The following NAALADL2 variants were observed in gnomAD, a reference collection of about 807,000 sequenced individuals.
NAALADL2 encodes the protein inactive N-acetylated-alpha-linked acidic dipeptidase-like protein 2.
NAALADL2 carries 76 observed loss-of-function variants against 87.2 expected under a neutral mutation model. The observed-to-expected ratio is 0.87, with a 90% CI of 0.72 to 1.05. The LOEUF (loss-of-function observed/expected upper bound fraction) is 1.05, where lower values mean the gene tolerates loss of function less well. Among genes scored for constraint, NAALADL2 ranks in the 50% least tolerant of loss-of-function variants. The pLI, the probability that NAALADL2 is intolerant of heterozygous loss-of-function variation, is 0.00. For missense variants in NAALADL2, 1,089 were observed against 945.8 expected, an observed-to-expected ratio of 1.15 and a Z score of -1.99; for synonymous variants, 354 against 331.0, an observed-to-expected ratio of 1.07 and a Z score of -0.75.
intron 4 of NAALADL2, among the ~76,000 whole-genome samples, chr3:175,263,104 T>C (rs1184306053): frequency 6.6e-6 from 1 of 151,816 alleles, no homozygotes; most frequent in African/African-American, 2.4e-5. Context: ...GAATACAAAA[T>C]TGGAAAGTAA....
chr3:175,202,215 G>A (rs1247347096), intron 2 of NAALADL2, among the ~76,000 whole-genome samples: 1 of 152,044 alleles, frequency 6.6e-6, no homozygotes, highest in Non-Finnish European at 1.5e-5. Flanking sequence ...AAGGAAGTGA[G>A]GTTTGCAGCT....
chr3:175,209,144 G>A (rs1297559258), intron 2 of NAALADL2, among the ~76,000 whole-genome samples: 2 of 152,080 alleles, frequency 1.3e-5, no homozygotes, highest in Non-Finnish European at 2.9e-5. Flanking sequence ...GGAAAAGAAC[G>A]TAAAATAAAA....
chr3:175,237,964 C>A (rs1370017816), intron 3 of NAALADL2, among the ~76,000 whole-genome samples: 1 of 152,082 alleles, frequency 6.6e-6, no homozygotes, highest in Non-Finnish European at 1.5e-5. Context: ...TTAAGAGAAC[C>A]AACCAGTGGT....
At position 174,755,019 on chromosome 3, in the gene NAALADL2, G is replaced by A. The variant is rs148255449; in HGVS notation, c.-9+17273G>A. Reference sequence around the variant, plus strand: ...GGCTTTGTGTCCCCACCCAAATCTCGTCTTGAATTATAATCCCCATAATCC... The same window carrying A: ...GGCTTTGTGTCCCCACCCAAATCTCATCTTGAATTATAATCCCCATAATCC... On this transcript the variant is annotated intron_variant, in intron 3 of 3. Coordinates refer to the NAALADL2 transcript ENST00000434257. 3.1e-3 allele frequency among the ~76,000 whole-genome samples: 471 copies of A among 152,228 alleles called. 2 individuals are homozygous for A. The highest frequency in any genetic ancestry group is 0.011 in the African/African-American group (442 of 41,546).
At chr3:175,676,468 GT>G (rs1406290088) in intron 11 of NAALADL2, 1 of 152,148 alleles carries the variant, frequency 6.6e-6, no homozygotes, top group Admixed American at 6.6e-5. Flanking sequence ...ATGGCAATGG[GT>G]TCAGGAAAGT....
At chr3:174,476,577 G>A (rs1717230926) in intron 1 of NAALADL2, among the ~76,000 whole-genome samples, 1 of 151,988 alleles carries the variant, frequency 6.6e-6, no homozygotes, top group African/African-American at 2.4e-5. Context: ...CTAAGTATAT[G>A]TAAATACTCA....
chr3:175,204,694 C>T (rs899382353), intron 2 of NAALADL2, among the ~76,000 whole-genome samples: 1 of 151,988 alleles, frequency 6.6e-6, no homozygotes, highest in Non-Finnish European at 1.5e-5. Flanking sequence ...CCTTGAAAAC[C>T]CCAAGAACTT....
intron 11 of NAALADL2, among the ~76,000 whole-genome samples, chr3:175,667,237 A>AAGAG (rs1553945351): frequency 3.0e-5 from 3 of 100,168 alleles, no homozygotes; most frequent in African/African-American, 1.9e-4. Context: ...GAAAGAAAGA[A>AAGAG]AGAAAAAGAA....
chr3:175,745,786 G>A lies in NAALADL2; in HGVS notation c.1990+8387G>A, dbSNP rs112458213. 4.5e-3 allele frequency among the ~76,000 whole-genome samples: 691 copies of A among 152,268 alleles called. 7 individuals are homozygous for A. Among genetic ancestry groups the A allele is most frequent in the African/African-American group, 0.016 (660 of 41,566 alleles). ...CTTGAACCTTAGAGCAGACTAAAGAGTAAGCGCATAATAATCTTACTAAAT... is the reference window on the plus strand; with the variant it reads ...CTTGAACCTTAGAGCAGACTAAAGAATAAGCGCATAATAATCTTACTAAAT... On this transcript the variant is annotated intron_variant, in intron 12 of 13. Transcript: ENST00000454872.
chr3:175,384,173 AT>A (rs1768097274), intron 5 of NAALADL2, among the ~76,000 whole-genome samples: 2 of 151,934 alleles, frequency 1.3e-5, no homozygotes, highest in Non-Finnish European at 2.9e-5. Flanking sequence ...TAGTGAAGAA[AT>A]TTTCTATTTG....
At chr3:175,265,957 T>A (rs1751859802) in intron 4 of NAALADL2, among the ~76,000 whole-genome samples, 1 of 121,514 alleles carries the variant, frequency 8.2e-6, no homozygotes, top group Non-Finnish European at 1.7e-5. Context: ...TTGCTGTATT[T>A]ATGCAAACAC....
At chr3:175,551,437 G>A (rs867392691) in intron 9 of NAALADL2, among the ~76,000 whole-genome samples, 8 of 152,144 alleles carry the variant, frequency 5.3e-5, no homozygotes, top group South Asian at 4.1e-4. Context: ...TAAAACAGCT[G>A]TTGACTGACA....
At chr3:175,080,127 G>A (rs989273239) in intron 1 of NAALADL2, among the ~76,000 whole-genome samples, 59 of 152,086 alleles carry the variant, frequency 3.9e-4, no homozygotes, top group African/African-American at 1.3e-3. Context: ...CACGGCGCCC[G>A]GCTAATTTTT....
At chr3:174,693,687 G>A (rs957608200) in intron 2 of NAALADL2, among the ~76,000 whole-genome samples, 8 of 152,224 alleles carry the variant, frequency 5.3e-5, no homozygotes, top group African/African-American at 1.4e-4. Flanking sequence ...AATATGTTGG[G>A]GAGAGGAATA....
At chr3:175,459,027 C>A (rs1342945067) in intron 6 of NAALADL2, among the ~76,000 whole-genome samples, 1 of 152,088 alleles carries the variant, frequency 6.6e-6, no homozygotes, top group Admixed American at 6.6e-5. Flanking sequence ...CACACCTAGA[C>A]ACTATCCCCA....
Position 175,230,962 on chromosome 3 carries a change from C to T in NAALADL2, c.546-2969C>T, listed in dbSNP as rs183958406. On this transcript the variant is annotated intron_variant, in intron 2 of 13. Transcript: ENST00000454872. Reference sequence around the variant, plus strand: ...ATCAGGAAACATGAATAAGAATATCCAGTGCAGCATTGTTTACAATAGTGA... The same window carrying T: ...ATCAGGAAACATGAATAAGAATATCTAGTGCAGCATTGTTTACAATAGTGA... 2.8e-3 allele frequency among the ~76,000 whole-genome samples: 422 copies of T among 151,936 alleles called. 2 individuals are homozygous for T. Among genetic ancestry groups the T allele is most frequent in the Non-Finnish European group, 3.6e-3 (245 of 67,892 alleles).
chr3:175,051,063 A>G (rs1196218497), intron 1 of NAALADL2, among the ~76,000 whole-genome samples: 1 of 152,186 alleles, frequency 6.6e-6, no homozygotes, highest in Non-Finnish European at 1.5e-5. Flanking sequence ...CTTAAGAACC[A>G]GGGATGTAAA....
intron 4 of NAALADL2, among the ~76,000 whole-genome samples, chr3:175,292,069 T>C (rs1458478037): frequency 6.6e-6 from 1 of 152,224 alleles, no homozygotes; most frequent in Non-Finnish European, 1.5e-5. Context: ...AGAATTTGCA[T>C]TGACTTTTTT....
intron 3 of NAALADL2, among the ~76,000 whole-genome samples, chr3:174,763,393 C>T (rs1383999062): frequency 1.3e-5 from 2 of 151,478 alleles, no homozygotes; most frequent in African/African-American, 2.4e-5. Context: ...TCAAGACCAG[C>T]CTGACCAACA....
Sources: allele counts gnomAD v4.1 joint callset (sites outside exome capture counted in the v4.1 genomes callset), GRCh38; gene constraint gnomAD v4.1.1; transcripts MANE v1.5; gene names NCBI Gene and HGNC (gene_info 2026-07-23, HGNC 2026-07-21).